The following WFDC1 variants were observed in gnomAD, a reference collection of about 807,000 sequenced individuals.
WFDC1 encodes the protein WAP four-disulfide core domain protein 1.
A neutral mutation model predicts 32.9 loss-of-function variants in WFDC1; 39 were observed. The ratio of observed to expected loss-of-function variants is 1.19; its 90% CI spans 0.92 to 1.55. WFDC1 has a LOEUF of 1.55. WFDC1 is among the 40% of genes most tolerant of loss of function. The pLI is 0.00. For synonymous variants in WFDC1, 184 were observed against 137.4 expected (o/e 1.34, Z -2.37); for missense variants, 386 against 309.5 (o/e 1.25, Z -1.85).
At chr16:84,302,557 T>G (rs1907004423) in intron 1 of WFDC1, among the ~76,000 whole-genome samples, 1 of 152,014 alleles carries the variant, frequency 6.6e-6, no homozygotes, top group East Asian at 1.9e-4. Flanking sequence ...CACGCCCATC[T>G]CCTCCGAGGC....
chr16:84,326,681 CAT>C, intron 5 of WFDC1, 199 bp from the exon 6 acceptor site: 2 of 588,936 alleles, frequency 3.4e-6, no homozygotes, highest in South Asian at 2.0e-5. Flanking sequence ...AGACCAGAAA[CAT>C]AGACAGAGCT....
intron 1 of WFDC1, among the ~76,000 whole-genome samples, chr16:84,303,657 G>A (rs244839): frequency 0.37 from 55,711 of 152,030 alleles, 12,258 homozygotes; most frequent in African/African-American, 0.59. Context: ...TACTGATTCA[G>A]ATTTCTTTTA....
intron 4 of WFDC1, among the ~76,000 whole-genome samples, chr16:84,320,622 C>A (rs1008315194): frequency 1.3e-5 from 2 of 152,200 alleles, no homozygotes; most frequent in African/African-American, 4.8e-5. Flanking sequence ...CTTCAATGTG[C>A]TTTTTGGCAT....
At chr16:84,324,495 C>CA in intron 5 of WFDC1, 35 bp downstream of exon 5, 1 of 1,587,808 alleles carries the variant, frequency 6.3e-7, no homozygotes, top group South Asian at 1.1e-5. Flanking sequence ...TTCCAGAGGG[C>CA]ACAAAAAAAA....
At chr16:84,297,645 A>AAATAGAAC (rs1567648478) in intron 1 of WFDC1, among the ~76,000 whole-genome samples, 2 of 136,176 alleles carry the variant, frequency 1.5e-5, no homozygotes, top group Non-Finnish European at 1.6e-5. Flanking sequence ...AAAAAAAAAA[A>AAATAGAAC]AACTGTGCCT....
At position 84,319,420 on chromosome 16, in the gene WFDC1, C is replaced by T. The variant is rs1378986378; in HGVS notation, c.422-11C>T. The T allele has an allele frequency of 1.2e-6, 2 of 1,608,084 alleles. No individual in the cohort carries two copies. Among genetic ancestry groups the T allele is most frequent in the African/African-American group, 1.3e-5 (1 of 74,972 alleles). The stretch of plus-strand genomic sequence containing the variant: ...CGGCCTTCTAGACCCCAGCGTGTGT[C>T]CCTCCTGCAGCAGAGGCGTGCAGCA... On this transcript the variant is annotated splice_polypyrimidine_tract_variant and intron_variant, in intron 3 of 6. Transcript: ENST00000219454.
intron 4 of WFDC1, among the ~76,000 whole-genome samples, chr16:84,322,749 C>T (rs1908382898): frequency 6.6e-6 from 1 of 152,194 alleles, no homozygotes; most frequent in African/African-American, 2.4e-5. Context: ...GGAAAATGAA[C>T]ACTGACATGT....
intron 1 of WFDC1, among the ~76,000 whole-genome samples, chr16:84,300,667 C>A (rs1041212520): frequency 5.9e-5 from 9 of 152,272 alleles, no homozygotes; most frequent in African/African-American, 1.9e-4. Flanking sequence ...GAACCCCGTT[C>A]CTTATAAGAA....
At chr16:84,298,092 A>G (rs923256923) in intron 1 of WFDC1, among the ~76,000 whole-genome samples, 4 of 152,210 alleles carry the variant, frequency 2.6e-5, no homozygotes, top group East Asian at 1.9e-4. Flanking sequence ...AAACTAAGTT[A>G]TATAAACTTA....
At chr16:84,329,099 A>G (rs1908773232) in intron 6 of WFDC1, 1 of 152,228 alleles carries the variant, frequency 6.6e-6, no homozygotes, top group Admixed American at 6.5e-5. Context: ...GGGAGGAGTT[A>G]GGAACTAAAT....
In WFDC1 at chr16:84,325,685, TTCC is replaced by T. The variant is rs1372576490; in HGVS notation, c.605-1193_605-1191del. ...TTTCAAGCATGCATCCATCCATCCA[TTCC>T]TCCATCGATCTATTCATCCATCTGT... On this transcript the variant is annotated intron_variant, in intron 5 of 6. Transcript: ENST00000219454. The T allele has an allele frequency of 6.6e-5, 10 of 152,166 alleles. No individual in the cohort carries two copies. The East Asian group carries it at 9.7e-4, about 15-fold the overall frequency. The allele number at this position is 152,166 out of a possible 1,614,324, so 9.4% of individuals were successfully genotyped here.
intron 1 of WFDC1, among the ~76,000 whole-genome samples, chr16:84,306,275 C>T (rs1387995378): frequency 6.6e-6 from 1 of 152,166 alleles, no homozygotes; most frequent in Non-Finnish European, 1.5e-5. Flanking sequence ...CCCTTAATCC[C>T]TGTGCAAAGC....
At chr16:84,324,048 A>T (rs1454629042) in intron 4 of WFDC1, among the ~76,000 whole-genome samples, 3 of 152,092 alleles carry the variant, frequency 2.0e-5, no homozygotes, top group Non-Finnish European at 4.4e-5. Flanking sequence ...TGAACCCAGG[A>T]GGCAGAGGTT....
chr16:84,297,882 A>G (rs1384985976), intron 1 of WFDC1, among the ~76,000 whole-genome samples: 2 of 152,124 alleles, frequency 1.3e-5, no homozygotes, highest in South Asian at 4.1e-4. Flanking sequence ...TACGGATGAT[A>G]GGAAGCAGCC....
intron 4 of WFDC1, among the ~76,000 whole-genome samples, chr16:84,321,633 T>G (rs1908309745): frequency 6.6e-6 from 1 of 152,142 alleles, no homozygotes; most frequent in African/African-American, 2.4e-5. Context: ...TTAAAAAAAT[T>G]CCCATTTCAA....
intron 1 of WFDC1, among the ~76,000 whole-genome samples, chr16:84,296,566 C>G (rs189067039): frequency 2.6e-5 from 4 of 152,242 alleles, no homozygotes; most frequent in Admixed American, 2.6e-4. Flanking sequence ...TGACCCCAGG[C>G]ATAGTGGGGT....
At chr16:84,326,288 A>T (rs550870019) in intron 5 of WFDC1, 2 of 152,786 alleles carry the variant, frequency 1.3e-5, no homozygotes, top group East Asian at 3.9e-4. Context: ...ATATGTCTTT[A>T]TCAATAATTT....
At chr16:84,324,587 G>A (rs2151380331) in intron 5 of WFDC1, 127 bp downstream of exon 5, 3 of 1,068,012 alleles carry the variant, frequency 2.8e-6, no homozygotes, top group East Asian at 4.8e-5. Flanking sequence ...CTGGGATTAA[G>A]AAACAAAATA....
At chr16:84,305,420 C>T (rs1353286940) in intron 1 of WFDC1, among the ~76,000 whole-genome samples, 2 of 152,198 alleles carry the variant, frequency 1.3e-5, no homozygotes, top group East Asian at 1.9e-4. Context: ...AGGAACTCTG[C>T]GAGTTGTTTG....
Sources: gnomAD v4.1 joint callset for allele counts (sites outside exome capture counted in the v4.1 genomes callset) on GRCh38, gnomAD v4.1.1 for gene constraint, MANE v1.5 for transcripts, NCBI Gene and HGNC (gene_info 2026-07-23, HGNC 2026-07-21) for gene names.